Variants in GPC5 observed in about 807,000 individuals in gnomAD.
GPC5 encodes the protein glypican-5.
Under a neutral mutation model 53.9 loss-of-function variants are expected in GPC5, and 47 were observed. The observed-to-expected ratio is 0.87, with a 90% CI of 0.69 to 1.11. The LOEUF is 1.11. Among genes scored for constraint, GPC5 ranks in the 50% most tolerant of loss-of-function variants. The pLI, the probability that GPC5 is intolerant of heterozygous loss-of-function variation, is 0.00. For missense variants in GPC5, 748 were observed against 713.1 expected (o/e 1.05, Z -0.56); for synonymous variants, 286 against 263.3 (o/e 1.09, Z -0.84).
intron 2 of GPC5, among the ~76,000 whole-genome samples, chr13:91,584,275 G>A (rs896197073): frequency 6.6e-6 from 1 of 151,872 alleles, no homozygotes; most frequent in African/African-American, 2.4e-5. Context: ...AGATACTATT[G>A]GTGCCCAATG....
intron 7 of GPC5, among the ~76,000 whole-genome samples, chr13:92,244,873 A>C (rs1234326974): frequency 6.6e-6 from 1 of 152,022 alleles, no homozygotes; most frequent in Non-Finnish European, 1.5e-5. Context: ...TCCCATCTCT[A>C]TTAAAAATAC....
At chr13:92,209,250 AG>A (rs1279335619) in intron 7 of GPC5, among the ~76,000 whole-genome samples, 1 of 152,216 alleles carries the variant, frequency 6.6e-6, no homozygotes, top group Admixed American at 6.5e-5. Context: ...TCATAGTCAG[AG>A]CTTAACATCA....
intron 5 of GPC5, among the ~76,000 whole-genome samples, chr13:91,763,733 G>A (rs1367178446): frequency 1.3e-5 from 2 of 151,976 alleles, no homozygotes; most frequent in Non-Finnish European, 2.9e-5. Context: ...ACACTTTCTT[G>A]GTAGGTAATT....
At chr13:91,955,865 C>T (rs924988456) in intron 6 of GPC5, among the ~76,000 whole-genome samples, 6 of 152,206 alleles carry the variant, frequency 3.9e-5, no homozygotes, top group African/African-American at 1.4e-4. Flanking sequence ...TATCACCTGC[C>T]TGCAGTGACA....
intron 4 of GPC5, among the ~76,000 whole-genome samples, chr13:91,746,974 G>T (rs890464342): frequency 9.2e-5 from 14 of 152,224 alleles, no homozygotes; most frequent in African/African-American, 3.4e-4. Context: ...CTGTCTGTTT[G>T]TCTGTCTTTA....
chr13:92,783,745 A>G (rs775695935), intron 7 of GPC5, among the ~76,000 whole-genome samples: 3 of 152,254 alleles, frequency 2.0e-5, no homozygotes, highest in Admixed American at 6.5e-5. Context: ...CTATTTTCCT[A>G]CTGTGACTAA....
chr13:92,025,173 C>G (rs929095594), intron 6 of GPC5, among the ~76,000 whole-genome samples: 1 of 152,066 alleles, frequency 6.6e-6, no homozygotes, highest in Non-Finnish European at 1.5e-5. Flanking sequence ...GGCTGCTTCA[C>G]TCTATTCTTT....
chr13:92,163,542 A>G (rs1193071627), intron 7 of GPC5, among the ~76,000 whole-genome samples: 1 of 151,714 alleles, frequency 6.6e-6, no homozygotes, highest in Non-Finnish European at 1.5e-5. Flanking sequence ...TCTACTGAGT[A>G]TTCTATTTCC....
At position 92,008,985 on chromosome 13, in the gene GPC5, A is replaced by T. The variant is rs565649142; in HGVS notation, c.1401+100928A>T. 5.9e-5 allele frequency among the ~76,000 whole-genome samples: 9 copies of T among 152,056 alleles called. No individual in the cohort carries two copies. In the South Asian group the frequency reaches 1.9e-3, roughly 32 times the overall value. The stretch of plus-strand genomic sequence containing the variant: ...CCATCTAGTGAATTATTTATATCAT[A>T]TATTTTACTTTCATCTGTAGAAGTT... On this transcript the variant is annotated intron_variant, in intron 6 of 7. Transcript: ENST00000377067.
chr13:92,815,955 GT>G (rs1212379474), intron 7 of GPC5, among the ~76,000 whole-genome samples: 3 of 151,892 alleles, frequency 2.0e-5, no homozygotes, highest in African/African-American at 7.3e-5. Context: ...TAAACATCCA[GT>G]TGGAGATGTT....
intron 7 of GPC5, among the ~76,000 whole-genome samples, chr13:92,831,747 G>C (rs1171050548): frequency 1.3e-5 from 2 of 152,190 alleles, no homozygotes; most frequent in Non-Finnish European, 2.9e-5. Flanking sequence ...AGCTCTCTCT[G>C]TATTTCTAAG....
intron 7 of GPC5, among the ~76,000 whole-genome samples, chr13:92,200,674 C>T (rs1239894591): frequency 6.6e-6 from 1 of 152,210 alleles, no homozygotes; most frequent in Admixed American, 6.5e-5. Flanking sequence ...CTTTCAGCTT[C>T]ATTTTGTAAA....
intron 5 of GPC5, among the ~76,000 whole-genome samples, chr13:91,785,676 A>C (rs148943355): frequency 5.8e-4 from 89 of 152,334 alleles, no homozygotes; most frequent in Non-Finnish European, 1.1e-3. Flanking sequence ...ACACATTTTT[A>C]TGCTAATTCC....
At chr13:91,612,449 C>T (rs1464496584) in intron 2 of GPC5, among the ~76,000 whole-genome samples, 1 of 152,138 alleles carries the variant, frequency 6.6e-6, no homozygotes, top group African/African-American at 2.4e-5. Context: ...CACAAACATT[C>T]AGTATGCCAC....
intron 5 of GPC5, among the ~76,000 whole-genome samples, chr13:91,847,839 A>G (rs1466596502): frequency 1.3e-5 from 2 of 152,142 alleles, no homozygotes; most frequent in Non-Finnish European, 2.9e-5. Flanking sequence ...TTTTATTTTC[A>G]AAATACATAC....
chr13:92,352,324 A>C (rs759747169), intron 7 of GPC5, among the ~76,000 whole-genome samples: 18 of 152,222 alleles, frequency 1.2e-4, no homozygotes, highest in Non-Finnish European at 1.9e-4. Context: ...ATTAGACTCA[A>C]GTAATACGTG....
At chr13:92,294,166 G>A (rs1285469829) in intron 7 of GPC5, among the ~76,000 whole-genome samples, 1 of 152,094 alleles carries the variant, frequency 6.6e-6, no homozygotes, top group Non-Finnish European at 1.5e-5. Context: ...TTTTGGTTAT[G>A]TCCTTTCCTG....
At chr13:92,398,486 C>T (rs1349936162) in intron 7 of GPC5, among the ~76,000 whole-genome samples, 1 of 145,808 alleles carries the variant, frequency 6.9e-6, no homozygotes, top group Non-Finnish European at 1.5e-5. Flanking sequence ...AACAATAACA[C>T]AATAGTTTGA....
At chr13:92,249,855 AGT>A (rs1399765081) in intron 7 of GPC5, among the ~76,000 whole-genome samples, 1 of 152,100 alleles carries the variant, frequency 6.6e-6, no homozygotes, top group East Asian at 1.9e-4. Flanking sequence ...AACTTTGCAT[AGT>A]GTAAGTGTTA....
Sources: allele counts gnomAD v4.1 joint callset (sites outside exome capture counted in the v4.1 genomes callset), GRCh38; gene constraint gnomAD v4.1.1; transcripts MANE v1.5; gene names NCBI Gene and HGNC (gene_info 2026-07-23, HGNC 2026-07-21).